The following RXRA variants were observed in gnomAD, a reference collection of about 807,000 sequenced individuals.
RXRA encodes the protein retinoic acid receptor RXR-alpha.
In RXRA, 5 loss-of-function variants were observed where a neutral mutation model predicts 44.5. That is an observed-to-expected ratio of 0.11 (90% CI 0.06 to 0.24). The LOEUF (loss-of-function observed/expected upper bound fraction) is 0.24, where lower values mean the gene tolerates loss of function less well. Among genes scored for constraint, RXRA ranks in the 10% least tolerant of loss-of-function variants. The pLI is 1.00. For missense variants in RXRA, 412 were observed against 646.5 expected (o/e 0.64, Z 3.93); for synonymous variants, 291 against 271.4 (o/e 1.07, Z -0.71).
In RXRA at chr9:134,401,823, C is replaced by A; in HGVS notation, c.220C>A (p.Pro74Thr). The A allele has an allele frequency of 3.7e-6, 6 of 1,612,768 alleles. No homozygotes were observed. Among genetic ancestry groups the A allele is most frequent in the Non-Finnish European group, 4.2e-6 (5 of 1,179,650 alleles). Residue 74 changes from proline to threonine, a missense_variant, in exon 2 of 10, where the codon CCC (proline) becomes ACC (threonine). Physicochemically the swap from Pro to Thr is conservative, Grantham distance 38. This residue lies in a region of RXRA where 156 missense variants were observed against 177.2 expected (regional missense o/e 0.88). Transcript: ENST00000481739. ...CTCGGTCATCAGCTCCCCCATGGGC[C>A]CCCACTCCATGTCGGTGCCCACCAC... ...PFSVISSPMGPHSMSVPTTPT... is the reference protein window; with the variant it reads ...PFSVISSPMGTHSMSVPTTPT...
At chr9:134,367,399 T>C (rs1830427763) in intron 1 of RXRA, among the ~76,000 whole-genome samples, 1 of 152,074 alleles carries the variant, frequency 6.6e-6, no homozygotes, top group Non-Finnish European at 1.5e-5. Context: ...CCACTCTCTG[T>C]GGGAAGAGAA....
chr9:134,329,011 C>T (rs946319295), intron 1 of RXRA, among the ~76,000 whole-genome samples: 16 of 152,206 alleles, frequency 1.1e-4, no homozygotes, highest in Admixed American at 6.5e-5. Context: ...CGGGGCTGGC[C>T]GCGCTCCCAC....
chr9:134,418,613 G>A (rs1831278594), intron 5 of RXRA, among the ~76,000 whole-genome samples: 1 of 152,154 alleles, frequency 6.6e-6, no homozygotes, highest in Non-Finnish European at 1.5e-5. Flanking sequence ...CCCAGGCTTT[G>A]GTCTCAGCTG....
Position 134,349,205 on chromosome 9 carries a change from C to T in RXRA, c.28+22546C>T, listed in dbSNP as rs1830191248. On this transcript the variant is annotated intron_variant, in intron 1 of 9. Coordinates refer to ENST00000481739, the MANE Select transcript of RXRA (RefSeq NM_002957.6). The surrounding 1 kb of genome is among the most constrained non-coding windows in gnomAD (Gnocchi z 4.3). ...CAGAAGAAGGGTCTGGCTGGGCCTG[C>T]AGACCCCAACTCCCTGCACCAGCCT... Among the ~76,000 whole-genome samples, 1 of 152,190 alleles carries T rather than the reference C, an allele frequency of 6.6e-6. No homozygotes were observed. The highest frequency in any genetic ancestry group is 1.5e-5 in the Non-Finnish European group (1 of 68,028).
At chr9:134,334,641 C>T (rs1050964598) in intron 1 of RXRA, among the ~76,000 whole-genome samples, 2 of 152,242 alleles carry the variant, frequency 1.3e-5, no homozygotes, top group Non-Finnish European at 2.9e-5. Context: ...CCTCTGTGGG[C>T]TTCAGTTTCC....
In RXRA at chr9:134,408,764, G is replaced by A. The variant is rs572767897; in HGVS notation, c.431-176G>A. Among the ~76,000 whole-genome samples, 6 of 152,362 alleles carry A rather than the reference G, an allele frequency of 3.9e-5. No homozygotes were observed. In the East Asian group the frequency reaches 5.8e-4, roughly 15 times the overall value. On this transcript the variant is annotated intron_variant, in intron 3 of 9. Coordinates refer to ENST00000481739, the MANE Select transcript of RXRA (RefSeq NM_002957.6). The stretch of plus-strand genomic sequence containing the variant: ...CCTGCCCCACTCCTAAGCTGTCCTC[G>A]GAGGAGCAGAGAGAGTGAGGCTGGG...
intron 1 of RXRA, among the ~76,000 whole-genome samples, chr9:134,385,778 C>T (rs1010471911): frequency 1.3e-5 from 2 of 152,256 alleles, no homozygotes; most frequent in African/African-American, 2.4e-5. Flanking sequence ...CTGTTGCCAT[C>T]GCCCCCCAGC....
chr9:134,432,130 C>A lies in RXRA; in HGVS notation c.1135+134C>A, dbSNP rs1831542319. The stretch of plus-strand genomic sequence containing the variant: ...TCCCACCCTCCTTGAGCTCAGTGTG[C>A]CCCCCTCCCAGTGAAAGTGTGGCCA... On this transcript the variant is annotated intron_variant, in intron 8 of 9. Coordinates refer to ENST00000481739, the MANE Select transcript of RXRA (RefSeq NM_002957.6). The A allele has an allele frequency of 4.7e-6, 3 of 639,962 alleles. No individual in the cohort carries two copies. The South Asian group carries it at 5.5e-5, about 12-fold the overall frequency. 39.6% of individuals were successfully genotyped at this position (639,962 alleles called of 1,614,324 possible).
rs546542656 is a variant in RXRA at position 134,407,103 on chromosome 9, C to T, written c.280-1046C>T. Among the ~76,000 whole-genome samples the T allele has an allele frequency of 2.0e-5, 3 of 152,298 alleles. No individual in the cohort carries two copies. The highest frequency in any genetic ancestry group is 1.9e-4 in the East Asian group (1 of 5,180). On this transcript the variant is annotated intron_variant, in intron 2 of 9. Coordinates refer to ENST00000481739, the MANE Select transcript of RXRA (RefSeq NM_002957.6). The surrounding 1 kb of genome is among the most constrained non-coding windows in gnomAD (Gnocchi z 4.8). ...AGCCTCACAGCCCACCTGGGCAGAT[C>T]GAGGAAGAACCTAGAAGCCAGAACA...
rs1831654845 is a variant in RXRA at position 134,437,973 on chromosome 9, TGG to T, written c.*1360_*1361del. On this transcript the variant is annotated 3_prime_UTR_variant, in exon 10 of 10. Coordinates refer to ENST00000481739, the MANE Select transcript of RXRA (RefSeq NM_002957.6). ...CTCCCTGGCTCAGCCCAGTGCGGCC[TGG>T]CGCTCCTCCCGCAGGCTCTGCCCCC... 1 of 151,500 alleles carries T rather than the reference TGG, an allele frequency of 6.6e-6. No individual in the cohort carries two copies. The highest frequency in any genetic ancestry group is 2.5e-5 in the African/African-American group (1 of 40,566). 9.4% of individuals were successfully genotyped at this position (151,500 alleles called of 1,614,324 possible). A position where few individuals can be genotyped will look rare whatever the true frequency, so the allele number is the denominator to read the frequency against.
At chr9:134,352,060 G>A (rs1830228276) in intron 1 of RXRA, among the ~76,000 whole-genome samples, 1 of 152,244 alleles carries the variant, frequency 6.6e-6, no homozygotes, top group East Asian at 1.9e-4. Context: ...AGCCCGGGGA[G>A]GGAGCGAGGC....
intron 1 of RXRA, among the ~76,000 whole-genome samples, chr9:134,356,207 C>T (rs1473126093): frequency 6.6e-6 from 1 of 152,128 alleles, no homozygotes; most frequent in Non-Finnish European, 1.5e-5. Context: ...GCTTCCTTGC[C>T]CCAGCCCTGC....
At chr9:134,416,300 G>T (rs370479775) in intron 4 of RXRA, among the ~76,000 whole-genome samples, 19 of 152,334 alleles carry the variant, frequency 1.2e-4, no homozygotes, top group African/African-American at 4.1e-4. Flanking sequence ...CAGGGCTCAT[G>T]CCTCAGGCCC....
At chr9:134,436,107 A>G (rs1472265053) in intron 9 of RXRA, among the ~76,000 whole-genome samples, 1 of 152,206 alleles carries the variant, frequency 6.6e-6, no homozygotes, top group Non-Finnish European at 1.5e-5. Flanking sequence ...CGGCCTCTCA[A>G]AGTGCTGAGA....
intron 9 of RXRA, among the ~76,000 whole-genome samples, chr9:134,435,821 C>T (rs907028039): frequency 6.6e-6 from 1 of 152,188 alleles, no homozygotes; most frequent in Non-Finnish European, 1.5e-5. Flanking sequence ...CTGCTGCAGC[C>T]AGATGCATTA....
chr9:134,346,273 C>T (rs782364706), intron 1 of RXRA, among the ~76,000 whole-genome samples: 44 of 152,188 alleles, frequency 2.9e-4, no homozygotes, highest in Non-Finnish European at 5.7e-4. Context: ...TGCCCTCCCG[C>T]GGCTTGCTGG....
chr9:134,409,202 G>T, intron 4 of RXRA, 83 bp downstream of exon 4: 1 of 1,335,574 alleles, frequency 7.5e-7, no homozygotes, highest in Admixed American at 2.6e-5. Context: ...ACCCGAGATG[G>T]ACAACAGGGA....
At chr9:134,364,266 G>T (rs1830387761) in intron 1 of RXRA, among the ~76,000 whole-genome samples, 1 of 152,174 alleles carries the variant, frequency 6.6e-6, no homozygotes, top group South Asian at 2.1e-4. Context: ...AGCTTGTGCT[G>T]GGGTGGGAGG....
intron 6 of RXRA, chr9:134,422,911 A>C: frequency 1.0e-6 from 1 of 984,964 alleles, no homozygotes; most frequent in Non-Finnish European, 1.2e-6. Flanking sequence ...TTCTCCTCCC[A>C]CTCCAAGGCC....
Sources: allele counts gnomAD v4.1 joint callset (sites outside exome capture counted in the v4.1 genomes callset), GRCh38; gene constraint gnomAD v4.1.1; regional missense constraint gnomAD v4.1.1; non-coding constraint Gnocchi (gnomAD v3.1); transcripts MANE v1.5; gene names NCBI Gene and HGNC (gene_info 2026-07-23, HGNC 2026-07-21).